PHKA1: variants seen among roughly 807,000 people sequenced by gnomAD.
PHKA1 encodes the protein phosphorylase b kinase regulatory subunit alpha, skeletal muscle isoform.
PHKA1 carries 60 observed loss-of-function variants against 110.2 expected under a neutral mutation model. The ratio of observed to expected loss-of-function variants is 0.54; its 90% confidence interval spans 0.44 to 0.68. The LOEUF is 0.68. Among genes scored for constraint, PHKA1 ranks in the 30% least tolerant of loss-of-function variants. The pLI, the probability that PHKA1 is intolerant of heterozygous loss-of-function variation, is 0.00. For missense variants in PHKA1, 801 were observed against 942.5 expected (o/e 0.85, Z 1.97); for synonymous variants, 316 against 333.6 (o/e 0.95, Z 0.58).
rs1189859807 is a variant in PHKA1 at position 72,684,634 on chromosome X, T to C, written c.455-54A>G. 14 of 764,360 alleles carry C rather than the reference T, an allele frequency of 1.8e-5. No homozygotes were observed. In the East Asian group the frequency reaches 4.3e-4, roughly 23 times the overall value. The allele number at this position is 764,360 out of a possible 1,213,427, so 63.0% of individuals were successfully genotyped here. Reference sequence around the variant, plus strand: ...ACTGGTCAATTATCACTATAAGCTTTATAGGCAGCCATAGTGACTAACTGA... The same window carrying C: ...ACTGGTCAATTATCACTATAAGCTTCATAGGCAGCCATAGTGACTAACTGA... On this transcript the variant is annotated intron_variant, in intron 4 of 31. Transcript: ENST00000373542.
Position 72,631,254 on chromosome X carries a change from A to G in PHKA1, c.1714+3901T>C, listed in dbSNP as rs181222904. 4.4e-3 allele frequency among the ~76,000 whole-genome samples: 491 copies of G among 111,526 alleles called. 1 individual carries two copies. Among genetic ancestry groups the G allele is most frequent in the African/African-American group, 9.2e-3 (281 of 30,654 alleles). On this transcript the variant is annotated intron_variant, in intron 16 of 31. Coordinates refer to ENST00000373542, the MANE Select transcript of PHKA1 (RefSeq NM_002637.4). ...AATTGTGTGTTAAAGTGTTTTTATG[A>G]TAACTGTCTTAAAATCTTTGCATGA...
intron 14 of PHKA1, among the ~76,000 whole-genome samples, chrX:72,638,076 G>A (rs1416721094): frequency 9.0e-6 from 1 of 111,338 alleles, no homozygotes; most frequent in Non-Finnish European, 1.9e-5. Context: ...ACTTTTGTGT[G>A]CTGATTCTGT....
chrX:72,684,936 G>A (rs1224964667), intron 4 of PHKA1, among the ~76,000 whole-genome samples: 7 of 111,066 alleles, frequency 6.3e-5, no homozygotes, highest in African/African-American at 2.3e-4. Context: ...GAGCTGGAAG[G>A]GGTCTAAATA....
chrX:72,636,528 T>C, intron 14 of PHKA1, 142 bp from the exon 15 acceptor site: 1 of 473,490 alleles, frequency 2.1e-6, no homozygotes, highest in Non-Finnish European at 3.8e-6. Context: ...CTGTATTTCC[T>C]TGAATTTAAA....
intron 10 of PHKA1, among the ~76,000 whole-genome samples, chrX:72,653,995 C>T (rs969213658): frequency 9.1e-6 from 1 of 109,577 alleles, no homozygotes; most frequent in Non-Finnish European, 1.9e-5. Context: ...CTGTGCTTAA[C>T]CATTTGCTAA....
intron 29 of PHKA1, among the ~76,000 whole-genome samples, chrX:72,584,750 TG>T (rs1417661057): frequency 9.0e-6 from 1 of 110,936 alleles, no homozygotes; most frequent in Non-Finnish European, 1.9e-5. Flanking sequence ...TTTTAACACT[TG>T]TTTTTTTTTT....
chrX:72,681,338 C>T (rs1238696013), intron 5 of PHKA1, among the ~76,000 whole-genome samples: 4 of 111,683 alleles, frequency 3.6e-5, no homozygotes, highest in East Asian at 2.9e-4. Flanking sequence ...GCAGCTGCCC[C>T]GTCTGAGAAG....
Position 72,630,450 on chromosome X carries a change from T to C in PHKA1, c.1715-3401A>G, listed in dbSNP as rs2053150372. The stretch of plus-strand genomic sequence containing the variant: ...TATTTCCTTTCTGTTTCAAGAACTT[T>C]CTTCAAACCATTCTTTTAGGGCAGA... On this transcript the variant is annotated intron_variant, in intron 16 of 31. Coordinates refer to ENST00000373542, the MANE Select transcript of PHKA1 (RefSeq NM_002637.4). Among the ~76,000 whole-genome samples the C allele has an allele frequency of 3.6e-5, 4 of 111,688 alleles. No individual in the cohort carries two copies. In the South Asian group the frequency reaches 1.1e-3, roughly 32 times the overall value.
chrX:72,652,746 T>C (rs2053445492), intron 11 of PHKA1, 95 bp from the exon 12 acceptor site: 1 of 576,700 alleles, frequency 1.7e-6, no homozygotes, highest in African/African-American at 2.2e-5. Flanking sequence ...TTATACCCTA[T>C]GTAGCTACAT....
chrX:72,605,532 T>C lies in PHKA1; in HGVS notation c.2685+9A>G. On this transcript the variant is annotated intron_variant, in intron 24 of 31. Transcript: ENST00000373542. ...CAGTCACCAGATTAGCCTTTACAATTCTTCTCACCTGTGTAAGGATTGAAA... is the reference window on the plus strand; with the variant it reads ...CAGTCACCAGATTAGCCTTTACAATCCTTCTCACCTGTGTAAGGATTGAAA... The C allele has an allele frequency of 1.7e-6, 2 of 1,190,998 alleles. No individual in the cohort carries two copies. The highest frequency in any genetic ancestry group is 2.3e-6 in the Non-Finnish European group (2 of 876,498).
intron 16 of PHKA1, among the ~76,000 whole-genome samples, chrX:72,627,697 A>G (rs1465614909): frequency 9.0e-6 from 1 of 111,593 alleles, no homozygotes; most frequent in Non-Finnish European, 1.9e-5. Flanking sequence ...AAGTAGAACT[A>G]TTAGGACAAA....
At chrX:72,605,048 C>G (rs2052708644) in intron 25 of PHKA1, among the ~76,000 whole-genome samples, 2 of 111,556 alleles carry the variant, frequency 1.8e-5, no homozygotes, top group African/African-American at 6.5e-5. Flanking sequence ...GAGTGAAGAG[C>G]CCACAGGAGA....
At chrX:72,609,788 C>T (rs1248670672) in intron 22 of PHKA1, 85 bp from the exon 23 acceptor site, 1 of 667,401 alleles carries the variant, frequency 1.5e-6, no homozygotes, top group Non-Finnish European at 2.5e-6. Context: ...AAAACCTTTG[C>T]TCCTCTTTAA....
intron 5 of PHKA1, among the ~76,000 whole-genome samples, chrX:72,680,772 G>A (rs2053843742): frequency 1.1e-5 from 1 of 91,225 alleles, no homozygotes; most frequent in South Asian, 5.5e-4. Context: ...CCGCCGGGAG[G>A]ATGGAGTTCA....
At chrX:72,676,200 C>T in intron 5 of PHKA1, 50 bp from the exon 6 acceptor site, 1 of 940,024 alleles carries the variant, frequency 1.1e-6, no homozygotes. Context: ...CTACTAAATA[C>T]TTCCTAGATG....
rs73218372 is a variant in PHKA1, at chrX:72,599,980, C to T, written c.3072+2011G>A. On this transcript the variant is annotated intron_variant, in intron 28 of 31. Coordinates refer to ENST00000373542, the MANE Select transcript of PHKA1 (RefSeq NM_002637.4). ...AATACAGACTATTTCAGTATGTAGT[C>T]AGCACATAATCATTAAAAAGCTGAT... is the stretch of plus-strand genomic sequence containing the variant. 5.4e-4 allele frequency: 210 copies of T among 389,742 alleles called. 1 individual carries two copies. Among genetic ancestry groups the T allele is most frequent in the Non-Finnish European group, 8.7e-4 (189 of 218,287 alleles). 32.1% of individuals were successfully genotyped at this position (389,742 alleles called of 1,213,427 possible).
In PHKA1 at chrX:72,679,726, G is replaced by A. The variant is rs2053822031; in HGVS notation, c.538-3576C>T. 3.6e-5 allele frequency among the ~76,000 whole-genome samples: 4 copies of A among 110,765 alleles called. No homozygotes were observed. The South Asian group carries it at 1.6e-3, about 43-fold the overall frequency. On this transcript the variant is annotated intron_variant, in intron 5 of 31. Coordinates refer to ENST00000373542, the MANE Select transcript of PHKA1 (RefSeq NM_002637.4). ...TAGTGAAGTCGAAGGCATAGTAATA[G>A]AAGCTATCCAAAATGAAACACAGAG...
chrX:72,707,630 C>CGT (rs61504690), intron 2 of PHKA1, among the ~76,000 whole-genome samples: 17,993 of 93,397 alleles, frequency 0.19, 1,580 homozygotes, highest in Non-Finnish European at 0.24. Context: ...ATCAAAAAAT[C>CGT]GTGTGTGTGT....
In PHKA1 at chrX:72,593,150, C is replaced by G; in HGVS notation, c.3197G>C (p.Arg1066Thr). ...RRRRLDGALN[R>T]VPVGFYQKVW... ...TTTCTGATAAAATCCAACTGGAACTCTATTCAGTGCCCCATCCAGCCTTCT... is the reference window on the plus strand; with the variant it reads ...TTTCTGATAAAATCCAACTGGAACTGTATTCAGTGCCCCATCCAGCCTTCT... The change falls in exon 29 of 32, where the codon AGA becomes ACA. Residue 1066 changes from arginine to threonine, a missense_variant. Physicochemically the swap from Arg to Thr is moderately conservative, Grantham distance 71. Coordinates refer to ENST00000373542, the MANE Select transcript of PHKA1 (RefSeq NM_002637.4). 1 of 1,200,870 alleles carries G rather than the reference C, an allele frequency of 8.3e-7. No individual in the cohort carries two copies. Among genetic ancestry groups the G allele is most frequent in the Non-Finnish European group, 1.1e-6 (1 of 885,427 alleles).
Sources: gnomAD v4.1 joint callset for allele counts (sites outside exome capture counted in the v4.1 genomes callset) on GRCh38, gnomAD v4.1.1 for gene constraint, MANE v1.5 for transcripts, NCBI Gene and HGNC (gene_info 2026-07-23, HGNC 2026-07-21) for gene names.